The following MSI2 variants were observed in gnomAD, a reference collection of about 807,000 sequenced individuals.
MSI2 encodes musashi RNA binding protein 2, also known as RNA-binding protein Musashi homolog 2.
MSI2 carries 17 observed loss-of-function variants against 45.6 expected under a neutral mutation model. The ratio of observed to expected loss-of-function variants is 0.37; its 90% CI spans 0.26 to 0.56. The LOEUF is 0.56. Ranked by LOEUF, MSI2 falls within the 20% of genes least tolerant of loss-of-function variation. The pLI is 0.77. For synonymous variants in MSI2, 156 were observed against 158.2 expected (o/e 0.99, Z 0.11); for missense variants, 293 against 444.2 (o/e 0.66, Z 3.06).
intron 5 of MSI2, chr17:57,266,855 T>C (rs572673811): frequency 2.0e-5 from 3 of 152,046 alleles, no homozygotes; most frequent in Non-Finnish European, 4.4e-5. Flanking sequence ...CGTTGGTTGC[T>C]TCAGATCCAC....
intron 7 of MSI2, among the ~76,000 whole-genome samples, chr17:57,564,552 T>A (rs570068542): frequency 6.6e-6 from 1 of 152,258 alleles, no homozygotes; most frequent in South Asian, 2.1e-4. Flanking sequence ...AAGTCAGTAT[T>A]GCAGTCTGAG....
chr17:57,256,848 C>CTT, intron 1 of MSI2, 44 bp downstream of exon 1: 1 of 1,396,462 alleles, frequency 7.2e-7, no homozygotes, highest in Non-Finnish European at 9.4e-7. Context: ...TGGGCTCGCT[C>CTT]TCCTTGCAGC....
At chr17:57,527,058 G>A (rs1176919888) in intron 6 of MSI2, among the ~76,000 whole-genome samples, 1 of 152,068 alleles carries the variant, frequency 6.6e-6, no homozygotes, top group African/African-American at 2.4e-5. Context: ...TTGAAAATAC[G>A]TTTTAAAAAA....
chr17:57,531,557 G>T (rs937310756), intron 7 of MSI2, among the ~76,000 whole-genome samples: 1 of 152,194 alleles, frequency 6.6e-6, no homozygotes, highest in Non-Finnish European at 1.5e-5. Context: ...TATTTTCAGG[G>T]TGGGTGATGC....
chr17:57,290,895 G>A (rs189974628), intron 5 of MSI2, among the ~76,000 whole-genome samples: 28 of 152,326 alleles, frequency 1.8e-4, no homozygotes, highest in Non-Finnish European at 3.2e-4. Flanking sequence ...TTCCACCTTG[G>A]ATTATCTGGG....
At chr17:57,590,638 C>T (rs956921542) in intron 7 of MSI2, among the ~76,000 whole-genome samples, 1 of 152,182 alleles carries the variant, frequency 6.6e-6, no homozygotes, top group Non-Finnish European at 1.5e-5. Flanking sequence ...CATTTTTAAA[C>T]CACTGGTGTT....
chr17:57,525,386 G>A (rs2086676632), intron 6 of MSI2, among the ~76,000 whole-genome samples: 1 of 152,170 alleles, frequency 6.6e-6, no homozygotes, highest in Non-Finnish European at 1.5e-5. Context: ...CCAGGCTCAA[G>A]CAATCTTACC....
chr17:57,308,459 C>T (rs1272322085), intron 5 of MSI2, among the ~76,000 whole-genome samples: 1 of 152,130 alleles, frequency 6.6e-6, no homozygotes, highest in East Asian at 1.9e-4. Flanking sequence ...TGCTGAGAAA[C>T]GAAAGCATAG....
intron 6 of MSI2, among the ~76,000 whole-genome samples, chr17:57,427,677 A>C (rs946472512): frequency 6.6e-6 from 1 of 152,210 alleles, no homozygotes; most frequent in African/African-American, 2.4e-5. Context: ...ATTGAATTAC[A>C]AAGTTATTTA....
chr17:57,481,211 G>T (rs527995311), intron 6 of MSI2, among the ~76,000 whole-genome samples: 1 of 152,336 alleles, frequency 6.6e-6, no homozygotes, highest in South Asian at 2.1e-4. Flanking sequence ...TTCTTAGCTT[G>T]ATTTCCTTGA....
At chr17:57,374,183 C>A (rs370222493) in intron 5 of MSI2, among the ~76,000 whole-genome samples, 1 of 152,144 alleles carries the variant, frequency 6.6e-6, no homozygotes, top group African/African-American at 2.4e-5. Flanking sequence ...AGAAACATAG[C>A]GTCAATAGGG....
intron 6 of MSI2, among the ~76,000 whole-genome samples, chr17:57,527,517 C>T (rs2086729706): frequency 6.6e-6 from 1 of 152,142 alleles, no homozygotes; most frequent in Admixed American, 6.5e-5. Context: ...CTGGGATGGG[C>T]ATGGGGATCT....
At position 57,262,137 on chromosome 17, in the gene MSI2, A is replaced by T. The variant is rs200593685; in HGVS notation, c.271-14A>T. The T allele has an allele frequency of 1.2e-6, 2 of 1,612,380 alleles. No homozygotes were observed. Among genetic ancestry groups the T allele is most frequent in the Non-Finnish European group, 8.5e-7 (1 of 1,178,884 alleles). ...GTACTTTATTGACTCCTGCTTTTCT[A>T]TTTTTTTTCCCAGATTGACCCCAAA... On this transcript the variant is annotated splice_polypyrimidine_tract_variant and intron_variant, in intron 4 of 13. Coordinates refer to ENST00000284073, the MANE Select transcript of MSI2 (RefSeq NM_138962.4).
chr17:57,472,667 G>C (rs2085460645), intron 6 of MSI2, among the ~76,000 whole-genome samples: 1 of 152,214 alleles, frequency 6.6e-6, no homozygotes, highest in Non-Finnish European at 1.5e-5. Context: ...GATGATACTA[G>C]TGGTAATAAT....
At chr17:57,690,447 C>CAA in the MSI2 span, among the ~76,000 whole-genome samples, 317 of 141,690 alleles carry the variant, frequency 2.2e-3, no homozygotes, top group African/African-American at 7.7e-3. Flanking sequence ...CCTATCTCTA[C>CAA]AAAAAAAAAA....
chr17:57,454,957 G>A (rs1169208443), intron 6 of MSI2, among the ~76,000 whole-genome samples: 1 of 152,186 alleles, frequency 6.6e-6, no homozygotes, highest in Non-Finnish European at 1.5e-5. Flanking sequence ...TGCTGCTCCT[G>A]TCGCAGGCGT....
intron 10 of MSI2, among the ~76,000 whole-genome samples, chr17:57,637,423 C>T (rs760053468): frequency 1.3e-5 from 2 of 152,168 alleles, no homozygotes; most frequent in East Asian, 3.9e-4. Flanking sequence ...ACTTAATAAA[C>T]GTTTGCAGAA....
At chr17:57,288,841 G>A (rs902444253) in intron 5 of MSI2, among the ~76,000 whole-genome samples, 2 of 152,124 alleles carry the variant, frequency 1.3e-5, no homozygotes, top group African/African-American at 4.8e-5. Flanking sequence ...GGTTGGGGAA[G>A]TGGGGGTGCA....
intron 5 of MSI2, among the ~76,000 whole-genome samples, chr17:57,358,819 T>A (rs1374252103): frequency 6.6e-6 from 1 of 152,144 alleles, no homozygotes; most frequent in African/African-American, 2.4e-5. Flanking sequence ...GTAAATATGG[T>A]CAAGAAGATT....
Sources: gnomAD v4.1 joint callset for allele counts (sites outside exome capture counted in the v4.1 genomes callset) on GRCh38, gnomAD v4.1.1 for gene constraint, MANE v1.5 for transcripts, NCBI Gene and HGNC (gene_info 2026-07-23, HGNC 2026-07-21) for gene names.